The following PARD3B variants were observed in gnomAD, a reference collection of about 807,000 sequenced individuals.
The protein encoded by PARD3B is partitioning defective 3 homolog B.
In PARD3B, 103 loss-of-function variants were observed where a neutral mutation model predicts 130.2. The observed-to-expected ratio is 0.79, with a 90% CI of 0.67 to 0.93. The LOEUF (loss-of-function observed/expected upper bound fraction) is 0.93. Ranked by LOEUF, PARD3B falls within the 40% of genes least tolerant of loss-of-function variation. The probability of loss-of-function intolerance (pLI) is 0.00; values close to 1 mark genes in which losing one functional copy is unlikely to be tolerated. For missense variants in PARD3B, 1,609 were observed against 1,499.2 expected (o/e 1.07, Z -1.21); for synonymous variants, 583 against 553.2 (o/e 1.05, Z -0.76).
At chr2:205,254,669 ATT>A (rs1410548243) in intron 16 of PARD3B, among the ~76,000 whole-genome samples, 6 of 141,898 alleles carry the variant, frequency 4.2e-5, no homozygotes, top group East Asian at 2.0e-4. Flanking sequence ...ATTTTATTTT[ATT>A]TTTTTTTTTT....
chr2:204,647,268 G>A (rs2125162716), intron 1 of PARD3B, among the ~76,000 whole-genome samples: 1 of 151,662 alleles, frequency 6.6e-6, no homozygotes, highest in East Asian at 1.9e-4. Flanking sequence ...TATTTTGTTT[G>A]TCTTTTTCTA....
In PARD3B at chr2:205,121,272, A is replaced by T. The variant is rs190653832; in HGVS notation, c.807-319A>T. Among the ~76,000 whole-genome samples, 341 of 152,346 alleles carry T rather than the reference A, an allele frequency of 2.2e-3. 1 individual carries two copies. The highest frequency in any genetic ancestry group is 7.8e-3 in the African/African-American group (323 of 41,584). On this transcript the variant is annotated intron_variant, in intron 7 of 22. Coordinates refer to ENST00000406610, the MANE Select transcript of PARD3B (RefSeq NM_001302769.2). This position sits in a 1 kb window ranked among gnomAD's most constrained non-coding sequence, Gnocchi z 5.0. ...TAGAAACATGTAAAAGCTGTGGGTC[A>T]TTGGATAAATTATTTCATCTCTCTG... is the stretch of plus-strand genomic sequence containing the variant.
intron 4 of PARD3B, among the ~76,000 whole-genome samples, chr2:205,083,971 T>G (rs1701591865): frequency 2.0e-5 from 3 of 152,158 alleles, no homozygotes. Context: ...AATACTTCAG[T>G]GTACATCCCT....
At chr2:205,299,561 T>TTATATATATATA (rs1289898796) in intron 16 of PARD3B, among the ~76,000 whole-genome samples, 1 of 17,240 alleles carries the variant, frequency 5.8e-5, no homozygotes, top group Non-Finnish European at 1.9e-4. Flanking sequence ...ATATTATATA[T>TTATATATATATA]TATATATATA....
intron 2 of PARD3B, among the ~76,000 whole-genome samples, chr2:204,847,634 A>G (rs2044517274): frequency 6.6e-6 from 1 of 152,150 alleles, no homozygotes; most frequent in Non-Finnish European, 1.5e-5. Flanking sequence ...CACTGTCTGT[A>G]GGCTACCATC....
chr2:204,753,847 GT>G (rs1428596815), intron 2 of PARD3B, among the ~76,000 whole-genome samples: 1 of 152,112 alleles, frequency 6.6e-6, no homozygotes, highest in African/African-American at 2.4e-5. Flanking sequence ...GAGCTCAGGA[GT>G]TTGAGATCAG....
At chr2:205,236,537 A>T (rs2039070355) in intron 15 of PARD3B, among the ~76,000 whole-genome samples, 1 of 152,198 alleles carries the variant, frequency 6.6e-6, no homozygotes, top group African/African-American at 2.4e-5. Flanking sequence ...TCACAGGTTG[A>T]TCTTGGACTT....
Position 205,044,986 on chromosome 2 carries a change from A to G in PARD3B, c.395-2595A>G, listed in dbSNP as rs183093957. Among the ~76,000 whole-genome samples the G allele has an allele frequency of 8.5e-5, 13 of 152,270 alleles. No homozygotes were observed. In the East Asian group the frequency reaches 2.5e-3, roughly 29 times the overall value. The stretch of plus-strand genomic sequence containing the variant: ...TGTGGAATGATTTGCACTTGTTATT[A>G]ACACATTTAGAGAGAAAGAAAAATT... On this transcript the variant is annotated intron_variant, in intron 3 of 22. Coordinates refer to ENST00000406610, the MANE Select transcript of PARD3B (RefSeq NM_001302769.2).
chr2:205,380,373 T>A (rs1475993246), intron 18 of PARD3B, among the ~76,000 whole-genome samples: 14 of 33,396 alleles, frequency 4.2e-4, no homozygotes, highest in African/African-American at 1.5e-3. Context: ...AGAATATATA[T>A]TATATATAAT....
chr2:205,414,045 G>A (rs2046690593), intron 19 of PARD3B, among the ~76,000 whole-genome samples: 1 of 152,150 alleles, frequency 6.6e-6, no homozygotes, highest in South Asian at 2.1e-4. Context: ...GATTCAGTCA[G>A]AATTCATGGT....
chr2:204,586,335 G>T (rs1273406346), intron 1 of PARD3B, among the ~76,000 whole-genome samples: 1 of 152,148 alleles, frequency 6.6e-6, no homozygotes, highest in Non-Finnish European at 1.5e-5. Context: ...TCAGTGTTTA[G>T]TATTACTGTA....
intron 1 of PARD3B, among the ~76,000 whole-genome samples, chr2:204,624,354 G>C (rs1279197362): frequency 6.6e-6 from 1 of 152,084 alleles, no homozygotes; most frequent in Non-Finnish European, 1.5e-5. Flanking sequence ...TGGAACTTTT[G>C]TACACTTGTT....
intron 2 of PARD3B, among the ~76,000 whole-genome samples, chr2:204,705,803 G>A (rs1242425799): frequency 6.6e-6 from 1 of 152,142 alleles, no homozygotes; most frequent in Non-Finnish European, 1.5e-5. Context: ...GGAGGCAGCA[G>A]CAGGTACTTA....
At chr2:205,152,888 G>C (rs1350111866) in intron 10 of PARD3B, among the ~76,000 whole-genome samples, 1 of 152,146 alleles carries the variant, frequency 6.6e-6, no homozygotes, top group Non-Finnish European at 1.5e-5. Context: ...CCCCATCTTT[G>C]TGGTTTTATC....
intron 2 of PARD3B, among the ~76,000 whole-genome samples, chr2:204,777,076 C>G (rs756550925): frequency 1.3e-5 from 2 of 152,130 alleles, no homozygotes; most frequent in Non-Finnish European, 2.9e-5. Flanking sequence ...TATGTTCATT[C>G]CTGTTGTAGA....
chr2:204,913,838 A>C (rs2047340441), intron 2 of PARD3B, among the ~76,000 whole-genome samples: 1 of 152,208 alleles, frequency 6.6e-6, no homozygotes, highest in South Asian at 2.1e-4. Flanking sequence ...AGACAGAAAT[A>C]ATTAAATTGC....
intron 4 of PARD3B, among the ~76,000 whole-genome samples, chr2:205,103,176 TGTAAA>T (rs150083874): frequency 9.6e-5 from 9 of 93,592 alleles, no homozygotes; most frequent in East Asian, 7.4e-4. Flanking sequence ...TTTATATTTA[TGTAAA>T]GTAAACATTT....
chr2:204,839,088 T>A (rs1370352273), intron 2 of PARD3B, among the ~76,000 whole-genome samples: 4 of 152,076 alleles, frequency 2.6e-5, no homozygotes, highest in African/African-American at 4.8e-5. Flanking sequence ...TGGGCTCCAT[T>A]TAGGATTTGA....
intron 2 of PARD3B, among the ~76,000 whole-genome samples, chr2:204,897,908 G>C (rs1469544707): frequency 6.6e-6 from 1 of 151,420 alleles, no homozygotes; most frequent in African/African-American, 2.4e-5. Flanking sequence ...TACCTGATAG[G>C]CCTTGGTTGA....
Sources: allele counts gnomAD v4.1 joint callset (sites outside exome capture counted in the v4.1 genomes callset), GRCh38; gene constraint gnomAD v4.1.1; non-coding constraint Gnocchi (gnomAD v3.1); transcripts MANE v1.5; gene names NCBI Gene and HGNC (gene_info 2026-07-23, HGNC 2026-07-21).